ST6GAL2: variants seen among roughly 807,000 people sequenced by gnomAD.
ST6GAL2 encodes the protein beta-galactoside alpha-2,6-sialyltransferase 2.
ST6GAL2 carries 24 observed loss-of-function variants against 37.5 expected under a neutral mutation model. The ratio of observed to expected loss-of-function variants is 0.64; its 90% CI spans 0.46 to 0.90. The LOEUF (loss-of-function observed/expected upper bound fraction) is 0.90. ST6GAL2 is among the 40% of genes least tolerant of loss of function. The pLI is 0.00. For missense variants in ST6GAL2, 715 were observed against 712.7 expected (o/e 1.00, Z -0.04); for synonymous variants, 306 against 295.1 (o/e 1.04, Z -0.38).
chr2:106,843,475 AC>A lies in ST6GAL2; in HGVS notation c.502del (p.Val168SerfsTer6). ...PREGAFPAAQ[V>X]QRRRVKKRHR... ...CCTCTTCTTCACCCGCCTCCTCTGG[AC>A]CTGTGCAGCCGGAAAAGCCCCCTCC... is the stretch of plus-strand genomic sequence containing the variant. On this transcript the variant is annotated frameshift_variant, in exon 2 of 6. Transcript: ENST00000409382. LOFTEE classifies it high-confidence loss of function. 1 of 1,613,722 alleles carries A rather than the reference AC, an allele frequency of 6.2e-7. No homozygotes were observed. The highest frequency in any genetic ancestry group is 8.5e-7 in the Non-Finnish European group (1 of 1,179,886).
chr2:106,843,574 G>A lies in ST6GAL2; in HGVS notation c.404C>T (p.Ala135Val). The change falls in exon 2 of 6, where the codon GCT becomes GTT. Residue 135 changes from alanine to valine, a missense_variant. Around this residue, in one of 3 missense-constraint regions of ST6GAL2, gnomAD observed 512 missense variants for 488.8 expected, o/e 1.05. Coordinates refer to ENST00000409382, the MANE Select transcript of ST6GAL2 (RefSeq NM_001142351.2). ...YPEDDDYFFA[A>V]GQPGWHSHTQ... ...GTGGCTGTGCCACCCTGGCTGACCA[G>A]CAGCAAAAAAGTAGTCGTCATCCTC... 1 of 1,613,912 alleles carries A rather than the reference G, an allele frequency of 6.2e-7. No individual in the cohort carries two copies. Among genetic ancestry groups the A allele is most frequent in the Non-Finnish European group, 8.5e-7 (1 of 1,179,968 alleles).
At position 106,807,869 on chromosome 2, in the gene ST6GAL2, C is replaced by G. The variant is rs369305790; in HGVS notation, c.1319-920G>C. ...TCAATCTCCTGACCTCCTGCTCCCC[C>G]CACCTCGGCCTCTCAAAGTGCTGGG... On this transcript the variant is annotated intron_variant, in intron 5 of 5. Coordinates refer to ENST00000409382, the MANE Select transcript of ST6GAL2 (RefSeq NM_001142351.2). Among the ~76,000 whole-genome samples, 30 of 152,238 alleles carry G rather than the reference C, an allele frequency of 2.0e-4. No homozygotes were observed. The East Asian group carries it at 2.3e-3, about 12-fold the overall frequency.
chr2:106,806,901 T>C lies in ST6GAL2; in HGVS notation c.1367A>G (p.Tyr456Cys). The change falls in exon 6 of 6, where the codon TAT (tyrosine) becomes TGT (cysteine). Residue 456 changes from tyrosine to cysteine, a missense_variant. Tyr to Cys is a radical substitution (Grantham distance 194). Transcript: ENST00000409382. ...CTCCGTCTGCCGCACGGATGGGATA[T>C]ATTCATACACGTGCACCTCTCTGCA... ...SMCREVHVYE[Y>C]IPSVRQTELC... 6.2e-7 allele frequency: 1 copy of C among 1,614,148 alleles called. No individual in the cohort carries two copies. Among genetic ancestry groups the C allele is most frequent in the East Asian group, 2.2e-5 (1 of 44,872 alleles).
At chr2:106,853,716 G>C (rs896193380) in intron 1 of ST6GAL2, among the ~76,000 whole-genome samples, 1 of 152,166 alleles carries the variant, frequency 6.6e-6, no homozygotes, top group African/African-American at 2.4e-5. Context: ...CAGGGTTTTT[G>C]CTCAAGAGAC....
intron 2 of ST6GAL2, among the ~76,000 whole-genome samples, chr2:106,836,122 T>C (rs1676625930): frequency 6.6e-6 from 1 of 152,168 alleles, no homozygotes; most frequent in East Asian, 1.9e-4. Context: ...CAGCTTTTTT[T>C]CAATTTAAAA....
In ST6GAL2 at chr2:106,832,570, T is replaced by G. The variant is rs1558690122; in HGVS notation, c.1138A>C (p.Asn380His). 1.3e-6 allele frequency: 2 copies of G among 1,567,580 alleles called. No individual in the cohort carries two copies. Among genetic ancestry groups the G allele is most frequent in the African/African-American group, 1.4e-5 (1 of 72,812 alleles). The change falls in exon 4 of 6, where the codon AAC (asparagine) becomes CAC (histidine). Residue 380 changes from asparagine (N) to histidine (H), a missense_variant. By Grantham distance (68) the Asn-to-His change is moderately conservative. This residue lies in a region of ST6GAL2 where 198 missense variants were observed against 203.6 expected (regional missense o/e 0.97). Coordinates refer to ENST00000409382, the MANE Select transcript of ST6GAL2 (RefSeq NM_001142351.2). Reference sequence around the variant, plus strand: ...AAATCCAGGGAAACACTTACCAGGTTAAGATTTGCGGAATATGGGGCAGGG... The same window carrying G: ...AAATCCAGGGAAACACTTACCAGGTGAAGATTTGCGGAATATGGGGCAGGG... Reference protein sequence around the residue: ...WDPAPYSANLNLWYKKPDYNL... With the variant: ...WDPAPYSANLHLWYKKPDYNL...
intron 1 of ST6GAL2, among the ~76,000 whole-genome samples, chr2:106,854,522 A>G (rs1331181892): frequency 6.6e-6 from 1 of 152,234 alleles, no homozygotes; most frequent in African/African-American, 2.4e-5. Flanking sequence ...CATATATTAT[A>G]CTAAATAATT....
intron 1 of ST6GAL2, among the ~76,000 whole-genome samples, chr2:106,868,539 G>A (rs180943035): frequency 5.9e-5 from 9 of 152,308 alleles, no homozygotes; most frequent in Admixed American, 3.3e-4. Flanking sequence ...CTAAATATCT[G>A]TGTACAAGTC....
chr2:106,809,688 G>C (rs1200631988), intron 5 of ST6GAL2, among the ~76,000 whole-genome samples: 1 of 152,204 alleles, frequency 6.6e-6, no homozygotes, highest in Non-Finnish European at 1.5e-5. Context: ...TGGGGTCCAG[G>C]AATCTGAACT....
At chr2:106,811,623 T>C (rs945937641) in intron 5 of ST6GAL2, among the ~76,000 whole-genome samples, 5 of 152,094 alleles carry the variant, frequency 3.3e-5, no homozygotes, top group African/African-American at 1.2e-4. Flanking sequence ...GAAGAAAGTA[T>C]CCTAAACGTC....
intron 5 of ST6GAL2, among the ~76,000 whole-genome samples, chr2:106,827,988 G>T (rs1419109741): frequency 2.0e-5 from 3 of 152,122 alleles, no homozygotes; most frequent in Non-Finnish European, 4.4e-5. Flanking sequence ...GCATCAAACT[G>T]CAGCCCCTTC....
intron 1 of ST6GAL2, among the ~76,000 whole-genome samples, chr2:106,846,795 A>G (rs1225827438): frequency 1.3e-5 from 2 of 152,250 alleles, no homozygotes; most frequent in East Asian, 1.9e-4. Flanking sequence ...AGAAGAATTA[A>G]TACCCGCAGT....
intron 5 of ST6GAL2, among the ~76,000 whole-genome samples, chr2:106,817,707 A>T (rs1675854127): frequency 6.6e-6 from 1 of 152,170 alleles, no homozygotes; most frequent in Non-Finnish European, 1.5e-5. Flanking sequence ...AGTAAAGGGC[A>T]CTTTGTCTTG....
At chr2:106,841,721 C>T (rs967950316) in intron 2 of ST6GAL2, among the ~76,000 whole-genome samples, 3 of 152,122 alleles carry the variant, frequency 2.0e-5, no homozygotes, top group African/African-American at 7.2e-5. Context: ...GAATGTGATC[C>T]AGCGAGGAAG....
intron 3 of ST6GAL2, among the ~76,000 whole-genome samples, chr2:106,833,191 T>C (rs1443659682): frequency 6.6e-6 from 1 of 151,876 alleles, no homozygotes; most frequent in Admixed American, 6.6e-5. Context: ...TAAGATACTT[T>C]TTTTTTTTAA....
intron 5 of ST6GAL2, among the ~76,000 whole-genome samples, chr2:106,820,438 T>C (rs954210572): frequency 6.6e-6 from 1 of 152,068 alleles, no homozygotes; most frequent in African/African-American, 2.4e-5. Flanking sequence ...ATAGCAATTG[T>C]AAATATATTT....
intron 1 of ST6GAL2, among the ~76,000 whole-genome samples, chr2:106,885,290 G>T (rs568326171): frequency 1.3e-5 from 2 of 151,768 alleles, no homozygotes; most frequent in Non-Finnish European, 2.9e-5. Flanking sequence ...CAAATTTTTC[G>T]CATGTCCAAT....
In ST6GAL2 at chr2:106,806,173, T is replaced by C. The variant is rs1675408580; in HGVS notation, c.*505A>G. On this transcript the variant is annotated 3_prime_UTR_variant, in exon 6 of 6. Transcript: ENST00000409382. The stretch of plus-strand genomic sequence containing the variant: ...CCAGGATGTGCTGGGAATTTTTTGC[T>C]GTTAAACACATCTGAGTGATAATTT... 1 of 152,784 alleles carries C rather than the reference T, an allele frequency of 6.5e-6. No homozygotes were observed. The highest frequency in any genetic ancestry group is 2.4e-5 in the African/African-American group (1 of 41,444). 9.5% of individuals were successfully genotyped at this position (152,784 alleles called of 1,614,324 possible).
intron 1 of ST6GAL2, among the ~76,000 whole-genome samples, chr2:106,874,608 T>C (rs1020748053): frequency 3.3e-5 from 5 of 152,300 alleles, no homozygotes; most frequent in African/African-American, 1.2e-4. Flanking sequence ...TGGAGACATC[T>C]GTAAAATAAA....
Sources: allele counts gnomAD v4.1 joint callset (sites outside exome capture counted in the v4.1 genomes callset), GRCh38; gene constraint gnomAD v4.1.1; regional missense constraint gnomAD v4.1.1; transcripts MANE v1.5; gene names NCBI Gene and HGNC (gene_info 2026-07-23, HGNC 2026-07-21).